Variants in ZNF224 observed in about 807,000 individuals in gnomAD.
ZNF224 encodes the protein zinc finger protein 224.
ZNF224 carries 8 observed loss-of-function variants against 10.5 expected under a neutral mutation model. The observed-to-expected ratio is 0.76, with a 90% CI of 0.45 to 1.37. The LOEUF is 1.37. Ranked by LOEUF, ZNF224 falls within the 40% of genes most tolerant of loss-of-function variation. The pLI is 0.00. For missense variants in ZNF224, 754 were observed against 854.0 expected, an observed-to-expected ratio of 0.88 and a Z score of 1.46; for synonymous variants, 282 against 287.8, an observed-to-expected ratio of 0.98 and a Z score of 0.20.
At position 44,107,780 on chromosome 19, in the gene ZNF224, C is replaced by CAATT. The variant is rs768656556; in HGVS notation, c.1621_1624dup (p.Cys542Ter). 5.0e-6 allele frequency: 8 copies of CAATT among 1,597,470 alleles called. No homozygotes were observed. The South Asian group carries it at 7.8e-5, about 16-fold the overall frequency. On this transcript the variant is annotated frameshift_variant, in exon 6 of 6. Transcript: ENST00000693561. LOFTEE classifies it low-confidence loss of function (END_TRUNC). ...AGGTCCACACAGGAGAGAGACCATA[C>CAATT]AATTGTAAGGAATGTGGGAAGAGTT... is the stretch of plus-strand genomic sequence containing the variant.
In ZNF224 at chr19:44,097,069, G is replaced by C. The variant is rs144461939; in HGVS notation, c.-69+638G>C. 5.0e-5 allele frequency: 12 copies of C among 239,388 alleles called. No individual in the cohort carries two copies. The East Asian group carries it at 1.5e-3, about 29-fold the overall frequency. 14.8% of individuals were successfully genotyped at this position (239,388 alleles called of 1,614,324 possible). On this transcript the variant is annotated intron_variant, in intron 2 of 5. Transcript: ENST00000693561. ...CACTTGGCCGAGACGCTGTCTTTCAGATTTCTCCACTATAAAGTTACTTAA... is the reference window on the plus strand; with the variant it reads ...CACTTGGCCGAGACGCTGTCTTTCACATTTCTCCACTATAAAGTTACTTAA...
rs1967468821 is a variant in ZNF224 at position 44,097,773 on chromosome 19, G to T, written c.-68-33G>T. On this transcript the variant is annotated intron_variant, in intron 2 of 5. Coordinates refer to ENST00000693561, the MANE Select transcript of ZNF224 (RefSeq NM_001321645.3). The stretch of plus-strand genomic sequence containing the variant: ...GTGGCATCCCTGGCCACCTTTTCAT[G>T]TCTCTTTTTCTGCCTTTCCTGGCAC... 3.6e-6 allele frequency: 5 copies of T among 1,393,090 alleles called. No homozygotes were observed. The African/African-American group carries it at 7.2e-5, about 20-fold the overall frequency. 86.3% of individuals were successfully genotyped at this position (1,393,090 alleles called of 1,614,324 possible). A position where few individuals can be genotyped will look rare whatever the true frequency, so the allele number is the denominator to read the frequency against.
chr19:44,096,921 C>T (rs541737238), intron 2 of ZNF224, among the ~76,000 whole-genome samples: 5 of 152,106 alleles, frequency 3.3e-5, no homozygotes, highest in South Asian at 2.1e-4. Flanking sequence ...TGGTGAATTG[C>T]GGGTTCAGAT....
chr19:44,096,671 G>A (rs1308422895), intron 2 of ZNF224, among the ~76,000 whole-genome samples: 1 of 152,118 alleles, frequency 6.6e-6, no homozygotes, highest in African/African-American at 2.4e-5. Flanking sequence ...TCTTACAAGT[G>A]TCCCCTACCC....
At position 44,108,114 on chromosome 19, in the gene ZNF224, T is replaced by C. The variant is rs755754095; in HGVS notation, c.1954T>C (p.Tyr652His). 11 of 1,612,242 alleles carry C rather than the reference T, an allele frequency of 6.8e-6. No homozygotes were observed. The Admixed American group carries it at 1.3e-4, about 20-fold the overall frequency. Residue 652 changes from tyrosine (Y) to histidine (H), a missense_variant, in exon 6 of 6, where the codon TAC (tyrosine) becomes CAC (histidine). By Grantham distance (83) the Tyr-to-His change is moderately conservative. Transcript: ENST00000693561. The stretch of plus-strand genomic sequence containing the variant: ...AAAAGTTCACAGTGTAGAAAAGCCA[T>C]ACAAATGTGAGGACTGTGGGAAGGG... Reference protein sequence around the residue: ...QEKVHSVEKPYKCEDCGKGYN... With the variant: ...QEKVHSVEKPHKCEDCGKGYN...
chr19:44,107,441 A>G lies in ZNF224; in HGVS notation c.1281A>G (p.Pro427=), dbSNP rs772374368. ...SHQRSHSGEK[P]YKCVECGKGY... ...AGAGATCCCATAGTGGAGAAAAACCATACAAATGTGTGGAGTGTGGGAAGG... is the reference window on the plus strand; with the variant it reads ...AGAGATCCCATAGTGGAGAAAAACCGTACAAATGTGTGGAGTGTGGGAAGG... The change falls in exon 6 of 6, where the codon CCA becomes CCG. Residue 427 remains proline, a synonymous_variant. Transcript: ENST00000693561. 6.8e-6 allele frequency: 11 copies of G among 1,608,436 alleles called. No individual in the cohort carries two copies. Among genetic ancestry groups the G allele is most frequent in the Middle Eastern group, 1.7e-4 (1 of 6,028 alleles).
In ZNF224 at chr19:44,100,871, A is replaced by G. The variant is rs921125833; in HGVS notation, c.86A>G (p.Gln29Arg). The G allele has an allele frequency of 6.2e-7, 1 of 1,614,140 alleles. No homozygotes were observed. Residue 29 changes from glutamine to arginine, a missense_variant, in exon 4 of 6, where the codon CAG becomes CGG. Gln to Arg is a conservative substitution (Grantham distance 43). Transcript: ENST00000693561. ...GAGCTGGGGCTGCTGGACCTTGCTC[A>G]GAGGAAGCTGTATCGAGATGTGATG... The part of the protein sequence containing the change: ...EEELGLLDLA[Q>R]RKLYRDVMLE...
rs1461429637 is a variant in ZNF224, at chr19:44,107,169, A to G, written c.1009A>G (p.Ile337Val). 2 of 1,606,946 alleles carry G rather than the reference A, an allele frequency of 1.2e-6. No homozygotes were observed. The highest frequency in any genetic ancestry group is 1.1e-5 in the South Asian group (1 of 90,080). Residue 337 changes from isoleucine (I) to valine (V), a missense_variant, in exon 6 of 6, where the codon ATC becomes GTC. Coordinates refer to ENST00000693561, the MANE Select transcript of ZNF224 (RefSeq NM_001321645.3). ...ATCAGCACTTAATAGTCATCGCATG[A>G]TCCACACAGGAGAGAAACCATACAA... Reference protein sequence around the residue: ...QRSALNSHRMIHTGEKPYKCE... With the variant: ...QRSALNSHRMVHTGEKPYKCE...
At chr19:44,101,335 T>C (rs1967546823) in intron 5 of ZNF224, 110 bp downstream of exon 5, 1 of 1,122,792 alleles carries the variant, frequency 8.9e-7, no homozygotes. Context: ...TTTCTTGGAT[T>C]ATTGACAACC....
intron 3 of ZNF224, 97 bp from the exon 4 acceptor site, chr19:44,100,704 A>C: frequency 6.8e-7 from 1 of 1,468,348 alleles, no homozygotes; most frequent in Non-Finnish European, 9.2e-7. Context: ...CAAGATCCAA[A>C]ACAACTTCCC....
Position 44,108,026 on chromosome 19 carries a change from A to G in ZNF224, c.1866A>G (p.Thr622=), listed in dbSNP as rs1178185985. The G allele has an allele frequency of 1.2e-6, 2 of 1,614,170 alleles. No homozygotes were observed. Among genetic ancestry groups the G allele is most frequent in the Non-Finnish European group, 8.5e-7 (1 of 1,180,030 alleles). ...LTHQRRHSRE[T]PLKCEQHGKN... ...ATCAGAGACGCCACAGCAGAGAAAC[A>G]CCTCTCAAATGTGAGCAGCATGGGA... Residue 622 remains threonine, a synonymous_variant, in exon 6 of 6, where the codon ACA becomes ACG. Coordinates refer to ENST00000693561, the MANE Select transcript of ZNF224 (RefSeq NM_001321645.3).
rs746741330 is a variant in ZNF224 at position 44,101,110 on chromosome 19, C to T, written c.143-23C>T. 5 of 1,613,084 alleles carry T rather than the reference C, an allele frequency of 3.1e-6. No individual in the cohort carries two copies. The South Asian group carries it at 5.5e-5, about 18-fold the overall frequency. On this transcript the variant is annotated intron_variant, in intron 4 of 5. Transcript: ENST00000693561. ...TTACCTAGAATGTGTTGGGATTAAGCATGTAAGTTTGCCTGTTTGCAGGAC... is the reference window on the plus strand; with the variant it reads ...TTACCTAGAATGTGTTGGGATTAAGTATGTAAGTTTGCCTGTTTGCAGGAC...
intron 5 of ZNF224, among the ~76,000 whole-genome samples, chr19:44,103,975 G>C (rs939385992): frequency 6.6e-6 from 1 of 152,166 alleles, no homozygotes. Context: ...ACAGACATGA[G>C]CCACTGTGCC....
At chr19:44,099,997 T>C (rs1192307102) in intron 3 of ZNF224, among the ~76,000 whole-genome samples, 1 of 152,218 alleles carries the variant, frequency 6.6e-6, no homozygotes, top group African/African-American at 2.4e-5. Flanking sequence ...TAACAATAGA[T>C]TAGTTCCATG....
chr19:44,108,023 AAC>A lies in ZNF224; in HGVS notation c.1866_1867del (p.Pro623SerfsTer4). The A allele has an allele frequency of 6.2e-7, 1 of 1,614,186 alleles. No homozygotes were observed. Among genetic ancestry groups the A allele is most frequent in the Admixed American group, 1.7e-5 (1 of 60,032 alleles). ...LTHQRRHSRE[T>X]PLKCEQHGKN... is the part of the protein sequence containing the mutation. ...CCCATCAGAGACGCCACAGCAGAGAAACACCTCTCAAATGTGAGCAGCATGGG... is the reference window on the plus strand; with the variant it reads ...CCCATCAGAGACGCCACAGCAGAGAAACCTCTCAAATGTGAGCAGCATGGG... On this transcript the variant is annotated frameshift_variant, in exon 6 of 6. Transcript: ENST00000693561. LOFTEE classifies it low-confidence loss of function (END_TRUNC).
In ZNF224 at chr19:44,107,688, A is replaced by G; in HGVS notation, c.1528A>G (p.Lys510Glu). ...HSHQRVHTGE[K>E]PYKCEKCGKG... ...CCATCAGAGAGTTCACACTGGAGAA[A>G]AGCCATACAAATGTGAGAAGTGTGG... The change falls in exon 6 of 6, where the codon AAG becomes GAG. Residue 510 changes from lysine to glutamate, a missense_variant. Lys to Glu is a moderately conservative substitution (Grantham distance 56). Coordinates refer to ENST00000693561, the MANE Select transcript of ZNF224 (RefSeq NM_001321645.3). The G allele has an allele frequency of 6.2e-7, 1 of 1,614,116 alleles. No individual in the cohort carries two copies. Among genetic ancestry groups the G allele is most frequent in the Non-Finnish European group, 8.5e-7 (1 of 1,180,028 alleles).
chr19:44,102,431 G>C (rs1239793547), intron 5 of ZNF224, among the ~76,000 whole-genome samples: 2 of 152,194 alleles, frequency 1.3e-5, no homozygotes, highest in Non-Finnish European at 2.9e-5. Flanking sequence ...CTGGTACATG[G>C]CAGGTTTCCA....
chr19:44,096,564 A>G (rs1466473521), intron 2 of ZNF224, 133 bp downstream of exon 2: 1 of 152,234 alleles, frequency 6.6e-6, no homozygotes, highest in Non-Finnish European at 1.5e-5. Flanking sequence ...AGTTTATTGT[A>G]TTATCTATTA....
rs1967474899 is a variant in ZNF224, at chr19:44,097,960, T to C, written c.15+72T>C. On this transcript the variant is annotated intron_variant, in intron 3 of 5. Transcript: ENST00000693561. Reference sequence around the variant, plus strand: ...TTAAATTGTCACAAGTTTTCCTCTGTCTTGGGAAGACTCAAGGAGAAAAAC... The same window carrying C: ...TTAAATTGTCACAAGTTTTCCTCTGCCTTGGGAAGACTCAAGGAGAAAAAC... 1.9e-6 allele frequency: 3 copies of C among 1,553,950 alleles called. No homozygotes were observed. In the Admixed American group the frequency reaches 5.1e-5, roughly 27 times the overall value.
Sources: gnomAD v4.1 joint callset for allele counts (sites outside exome capture counted in the v4.1 genomes callset) on GRCh38, gnomAD v4.1.1 for gene constraint, MANE v1.5 for transcripts, NCBI Gene and HGNC (gene_info 2026-07-23, HGNC 2026-07-21) for gene names.